SFTPB: variants seen among roughly 807,000 people sequenced by gnomAD.
SFTPB encodes the protein surfactant protein B, also known as pulmonary surfactant-associated protein B.
A neutral mutation model predicts 51.0 loss-of-function variants in SFTPB; 32 were observed. That is an observed-to-expected ratio of 0.63 (90% CI 0.47 to 0.84). The LOEUF is 0.84. SFTPB is among the 40% of genes least tolerant of loss of function. SFTPB has a pLI of 0.00. For missense variants in SFTPB, 431 were observed against 491.2 expected, an observed-to-expected ratio of 0.88 and a Z score of 1.16; for synonymous variants, 211 against 208.5, an observed-to-expected ratio of 1.01 and a Z score of -0.10.
chr2:85,667,649 CA>C lies in SFTPB; in HGVS notation c.195+29del, dbSNP rs1274016283. The C allele has an allele frequency of 2.5e-6, 4 of 1,614,082 alleles. No homozygotes were observed. In the East Asian group the frequency reaches 8.9e-5, roughly 36 times the overall value. ...CCCAGCACCCTTCATTTCAGACCCC[CA>C]GTTGCCATGCATCCTTGGTGGTACT... On this transcript the variant is annotated intron_variant, in intron 2 of 10. Transcript: ENST00000519937.
At chr2:85,664,996 G>A (rs113143248) in intron 6 of SFTPB, among the ~76,000 whole-genome samples, 30 of 152,220 alleles carry the variant, frequency 2.0e-4, no homozygotes, top group Admixed American at 1.2e-3. Context: ...GTGAGCTGCT[G>A]GAGGACAAAG....
chr2:85,662,782 G>A (rs1429503718), intron 8 of SFTPB, among the ~76,000 whole-genome samples: 4 of 143,638 alleles, frequency 2.8e-5, no homozygotes, highest in African/African-American at 5.3e-5. Context: ...AGAGGTTGCA[G>A]TGAGCCAAGA....
chr2:85,660,994 CAG>C (rs1266087970), intron 10 of SFTPB, among the ~76,000 whole-genome samples: 3 of 152,160 alleles, frequency 2.0e-5, no homozygotes, highest in African/African-American at 4.8e-5. Flanking sequence ...ACAGGACAGT[CAG>C]GGAGAGAATG....
At chr2:85,661,329 G>T in intron 10 of SFTPB, 125 bp downstream of exon 10, 1 of 681,964 alleles carries the variant, frequency 1.5e-6, no homozygotes, top group African/African-American at 1.8e-5. Flanking sequence ...TGTGCGGTGA[G>T]AGGGAGGATG....
rs1677522855 is a variant in SFTPB, at chr2:85,665,432, A to C, written c.583-54T>G. The C allele has an allele frequency of 2.7e-6, 4 of 1,478,012 alleles. No individual in the cohort carries two copies. The South Asian group carries it at 3.4e-5, about 13-fold the overall frequency. 91.6% of individuals were successfully genotyped at this position (1,478,012 alleles called of 1,614,324 possible). On this transcript the variant is annotated intron_variant, in intron 5 of 10. Coordinates refer to ENST00000519937, the MANE Select transcript of SFTPB (RefSeq NM_000542.5). ...CTGGGTGCTGGGAGAAGAGTCCTCCAGGCTCTCCTCCCCTCTCTCTTCCTC... is the reference window on the plus strand; with the variant it reads ...CTGGGTGCTGGGAGAAGAGTCCTCCCGGCTCTCCTCCCCTCTCTCTTCCTC...
intron 4 of SFTPB, 193 bp downstream of exon 4, chr2:85,666,422 GTT>G: frequency 2.5e-5 from 13 of 526,924 alleles, no homozygotes; most frequent in East Asian, 1.5e-4. Flanking sequence ...CAGCTGGGGT[GTT>G]GTGTGTGTGT....
chr2:85,660,916 C>A (rs3024817), intron 10 of SFTPB, among the ~76,000 whole-genome samples: 3 of 152,186 alleles, frequency 2.0e-5, no homozygotes, highest in African/African-American at 7.2e-5. Context: ...CCTCCAGGCA[C>A]CTGTTCACAG....
chr2:85,662,234 G>C, intron 8 of SFTPB, 125 bp from the exon 9 acceptor site: 1 of 1,531,028 alleles, frequency 6.5e-7, no homozygotes, highest in Non-Finnish European at 8.8e-7. Context: ...CAGCCCTCAC[G>C]GAACACCTCT....
chr2:85,661,679 C>T (rs561905742), intron 9 of SFTPB, 144 bp from the exon 10 acceptor site: 92 of 697,420 alleles, frequency 1.3e-4, no homozygotes, highest in Middle Eastern at 7.7e-4. Context: ...GGGCCACTCC[C>T]TGAGCCACAG....
chr2:85,667,991 A>C, intron 1 of SFTPB, 126 bp downstream of exon 1: 1 of 1,187,608 alleles, frequency 8.4e-7, no homozygotes. Context: ...ATAAGCTCTG[A>C]ACCCTCTCTG....
intron 10 of SFTPB, among the ~76,000 whole-genome samples, chr2:85,660,113 C>T (rs1677210694): frequency 6.7e-6 from 1 of 150,356 alleles, no homozygotes; most frequent in African/African-American, 2.4e-5. Context: ...TGGCCACAGG[C>T]ACCCACTACT....
rs892647265 is a variant in SFTPB at position 85,661,321 on chromosome 2, T to G, written c.*19+133A>C. The G allele has an allele frequency of 3.1e-5, 20 of 650,500 alleles. No homozygotes were observed. The African/African-American group carries it at 3.6e-4, about 12-fold the overall frequency. The allele number at this position is 650,500 out of a possible 1,614,324, so 40.3% of individuals were successfully genotyped here. On this transcript the variant is annotated intron_variant, in intron 10 of 10. Transcript: ENST00000519937. ...AGAAGCCCTCAGGAGCCTCCAGCTG[T>G]GCGGTGAGAGGGAGGATGGAGCAGC... is the stretch of plus-strand genomic sequence containing the variant.
At chr2:85,664,968 A>G (rs1359788690) in intron 6 of SFTPB, among the ~76,000 whole-genome samples, 2 of 152,124 alleles carry the variant, frequency 1.3e-5, no homozygotes, top group Non-Finnish European at 2.9e-5. Context: ...ACCTCTGGGG[A>G]TCTTTCTCCA....
chr2:85,666,462 GCTGTGTGTT>G (rs1677628632), intron 4 of SFTPB, 146 bp downstream of exon 4: 5 of 662,444 alleles, frequency 7.5e-6, no homozygotes, highest in Admixed American at 2.3e-5. Context: ...TGGCTGGGGT[GCTGTGTGTT>G]TGTGTCTGGC....
chr2:85,667,666 T>C lies in SFTPB; in HGVS notation c.195+13A>G, dbSNP rs766400631. On this transcript the variant is annotated intron_variant, in intron 2 of 10. Coordinates refer to ENST00000519937, the MANE Select transcript of SFTPB (RefSeq NM_000542.5). ...CAGACCCCCAGTTGCCATGCATCCT[T>C]GGTGGTACTCACGGCTCCCACATGT... 1.9e-6 allele frequency: 3 copies of C among 1,614,036 alleles called. No individual in the cohort carries two copies. The East Asian group carries it at 6.7e-5, about 36-fold the overall frequency.
At chr2:85,667,274 T>G in intron 2 of SFTPB, 97 bp from the exon 3 acceptor site, 2 of 903,342 alleles carry the variant, frequency 2.2e-6, no homozygotes, top group Non-Finnish European at 3.7e-6. Flanking sequence ...AACAGAGCAC[T>G]CCAAGGCACA....
At chr2:85,668,530 C>G (rs1677768886), upstream of SFTPB, 1 of 363,128 alleles carries the variant, frequency 2.8e-6, no homozygotes, top group Non-Finnish European at 5.1e-6. Flanking sequence ...TGGGGGCAGC[C>G]TGGGTGTTCC....
Position 85,666,493 on chromosome 2 carries a change from C to CTG in SFTPB, c.393+122_393+123dup, listed in dbSNP as rs59023726. The CTG allele has an allele frequency of 0.16, 113,875 of 732,564 alleles. 2,140 individuals carry two copies. The highest frequency in any genetic ancestry group is 0.2 in the South Asian group (11,503 of 57,194). 45.4% of individuals were successfully genotyped at this position (732,564 alleles called of 1,614,324 possible). On this transcript the variant is annotated intron_variant, in intron 4 of 10. Coordinates refer to ENST00000519937, the MANE Select transcript of SFTPB (RefSeq NM_000542.5). ...TGTTTGTGTCTGGCCGGCTTGGGTG[C>CTG]TGTGTGTGTGTGTGTGTGTGTGTGT...
At position 85,657,761 on chromosome 2, in the gene SFTPB, A is replaced by G. The variant is rs371563274; in HGVS notation, c.*1941T>C. ...AGAGTCAGCAAAGGGTGGTGGGATT[A>G]TCATTAGTTCTTGTAGGTTTGGGAT... On this transcript the variant is annotated 3_prime_UTR_variant, in exon 11 of 11. Transcript: ENST00000519937. 3 of 152,220 alleles carry G rather than the reference A, an allele frequency of 2.0e-5. No individual in the cohort carries two copies. The highest frequency in any genetic ancestry group is 7.2e-5 in the African/African-American group (3 of 41,444). The allele number at this position is 152,220 out of a possible 1,614,324, so 9.4% of individuals were successfully genotyped here. A position where few individuals can be genotyped will look rare whatever the true frequency, so the allele number is the denominator to read the frequency against.
Sources: allele counts gnomAD v4.1 joint callset (sites outside exome capture counted in the v4.1 genomes callset), GRCh38; gene constraint gnomAD v4.1.1; transcripts MANE v1.5; gene names NCBI Gene and HGNC (gene_info 2026-07-23, HGNC 2026-07-21).